BACH2: variants seen among roughly 807,000 people sequenced by gnomAD.
BACH2 encodes the protein transcription regulator protein BACH2.
In BACH2, 5 loss-of-function variants were observed where a neutral mutation model predicts 61.8. The observed-to-expected ratio is 0.08, with a 90% CI of 0.04 to 0.17. BACH2 has a LOEUF of 0.17. BACH2 is among the 10% of genes least tolerant of loss of function. The pLI is 1.00. For synonymous variants in BACH2, 446 were observed against 440.1 expected (o/e 1.01, Z -0.17); for missense variants, 824 against 1,091.1 (o/e 0.76, Z 3.45).
chr6:90,180,252 AATTT>A (rs1032419374), intron 4 of BACH2, among the ~76,000 whole-genome samples: 218 of 152,298 alleles, frequency 1.4e-3, no homozygotes, highest in African/African-American at 5.0e-3. Flanking sequence ...CTAAGAGTAA[AATTT>A]ATTATTCAAA....
rs759232242 is a variant in BACH2 at position 90,071,027 on chromosome 6, C to T, written c.-13+17934G>A. ...GGAAGTCAGAGTCTTGCTCTGTCAC[C>T]CATGCTGCAGTGCAATGACATGATC... On this transcript the variant is annotated intron_variant, in intron 5 of 8. Coordinates refer to ENST00000257749, the MANE Select transcript of BACH2 (RefSeq NM_021813.4). 1.5e-3 allele frequency among the ~76,000 whole-genome samples: 224 copies of T among 152,084 alleles called. 3 individuals carry two copies. The highest frequency in any genetic ancestry group is 8.4e-4 in the Non-Finnish European group (57 of 68,012).
intron 3 of BACH2, among the ~76,000 whole-genome samples, chr6:90,235,543 AG>A (rs1000763727): frequency 6.6e-6 from 1 of 152,244 alleles, no homozygotes; most frequent in African/African-American, 2.4e-5. Flanking sequence ...TAAAAAAGCC[AG>A]GGATTGTGGC....
chr6:90,137,715 G>A (rs2127825555), intron 4 of BACH2, among the ~76,000 whole-genome samples: 1 of 152,304 alleles, frequency 6.6e-6, no homozygotes, highest in African/African-American at 2.4e-5. Context: ...AGTTTAAAGT[G>A]AATTATCTTT....
intron 3 of BACH2, among the ~76,000 whole-genome samples, chr6:90,247,726 T>C (rs905232706): frequency 2.0e-5 from 3 of 152,168 alleles, no homozygotes; most frequent in South Asian, 2.1e-4. Flanking sequence ...AAAGGGTTAA[T>C]AGCTATCCCT....
At chr6:90,184,585 G>T (rs1768284859) in intron 4 of BACH2, among the ~76,000 whole-genome samples, 1 of 152,214 alleles carries the variant, frequency 6.6e-6, no homozygotes, top group Non-Finnish European at 1.5e-5. Context: ...CCCGGGGGAA[G>T]TGGAGGACCA....
At chr6:90,220,299 T>G (rs1238604394) in intron 3 of BACH2, among the ~76,000 whole-genome samples, 2 of 152,214 alleles carry the variant, frequency 1.3e-5, no homozygotes, top group African/African-American at 4.8e-5. Flanking sequence ...AAGGTCTGCA[T>G]TAGCAGCCCA....
At chr6:90,296,376 T>C (rs1772389677) in intron 1 of BACH2, 104 bp downstream of exon 1, 1 of 149,404 alleles carries the variant, frequency 6.7e-6, no homozygotes, top group East Asian at 2.0e-4. Context: ...TCCCGCGCCG[T>C]TTCCCCACGC....
chr6:90,190,887 T>C (rs199911799), intron 4 of BACH2, among the ~76,000 whole-genome samples: 1 of 152,214 alleles, frequency 6.6e-6, no homozygotes, highest in East Asian at 1.9e-4. Context: ...AAACAGGGGA[T>C]GTGGCTTGGC....
intron 6 of BACH2, among the ~76,000 whole-genome samples, chr6:89,996,824 T>C (rs899857273): frequency 5.3e-5 from 8 of 152,224 alleles, no homozygotes; most frequent in African/African-American, 1.9e-4. Context: ...TCTATGTTTT[T>C]CTTTTGATTC....
chr6:90,113,468 G>T (rs191008713), intron 4 of BACH2, among the ~76,000 whole-genome samples: 9 of 152,196 alleles, frequency 5.9e-5, no homozygotes, highest in Non-Finnish European at 7.4e-5. Context: ...ACATGGAAAT[G>T]AAACAACATG....
intron 6 of BACH2, among the ~76,000 whole-genome samples, chr6:89,954,421 G>C (rs765734480): frequency 6.7e-6 from 1 of 149,524 alleles, no homozygotes. Context: ...TTAGCATTAG[G>C]TATATCTCCT....
intron 3 of BACH2, among the ~76,000 whole-genome samples, chr6:90,216,699 C>A (rs146177038): frequency 6.6e-6 from 1 of 152,212 alleles, no homozygotes; most frequent in South Asian, 2.1e-4. Flanking sequence ...CAGCTCATGA[C>A]GTAAAGCGTG....
intron 3 of BACH2, among the ~76,000 whole-genome samples, chr6:90,232,714 G>A (rs976344963): frequency 1.3e-5 from 2 of 150,890 alleles, no homozygotes; most frequent in Non-Finnish European, 3.0e-5. Flanking sequence ...TTTTCTGCTA[G>A]AATTTTAAGA....
intron 3 of BACH2, among the ~76,000 whole-genome samples, chr6:90,210,345 ACACACG>A (rs1769303015): frequency 1.4e-5 from 2 of 146,930 alleles, no homozygotes; most frequent in South Asian, 2.3e-4. Context: ...ACACACACAC[ACACACG>A]CACATGCACA....
chr6:90,035,414 T>C (rs974459001), intron 5 of BACH2, among the ~76,000 whole-genome samples: 15 of 152,154 alleles, frequency 9.9e-5, no homozygotes, highest in South Asian at 6.2e-4. Flanking sequence ...TCCACAGATA[T>C]AAAAATCACT....
In BACH2 at chr6:89,950,629, T is replaced by C. The variant is rs1219568715; in HGVS notation, c.1477A>G (p.Arg493Gly). 3 of 1,614,070 alleles carry C rather than the reference T, an allele frequency of 1.9e-6. No individual in the cohort carries two copies. Among genetic ancestry groups the C allele is most frequent in the Non-Finnish European group, 2.5e-6 (3 of 1,179,978 alleles). ...GGGCAGCTGGTGTTGGGCCGCATCC[T>C]TCCTGGCAAGTGGTCGGCCATCAGC... ...GGLMADHLPG[R>G]MRPNTSCPVP... The change falls in exon 7 of 9, where the codon AGG becomes GGG. Residue 493 changes from arginine (R) to glycine (G), a missense_variant. This residue lies in a region of BACH2 where 102 missense variants were observed against 98.1 expected (regional missense o/e 1.04). Transcript: ENST00000257749. This position sits in a 1 kb window ranked among gnomAD's most constrained non-coding sequence, Gnocchi z 5.3.
chr6:90,140,170 C>T (rs1784416640), intron 4 of BACH2, among the ~76,000 whole-genome samples: 1 of 152,188 alleles, frequency 6.6e-6, no homozygotes, highest in Non-Finnish European at 1.5e-5. Flanking sequence ...TTTAAGACTT[C>T]CTAGAACTCT....
intron 7 of BACH2, among the ~76,000 whole-genome samples, chr6:89,943,812 TTGAAACC>T (rs1378400162): frequency 2.0e-5 from 3 of 152,230 alleles, no homozygotes; most frequent in Non-Finnish European, 4.4e-5. Flanking sequence ...CAGATGTTGA[TTGAAACC>T]CATGGGAGTA....
intron 6 of BACH2, among the ~76,000 whole-genome samples, chr6:89,972,071 C>G (rs1221693032): frequency 6.6e-6 from 1 of 152,114 alleles, no homozygotes; most frequent in African/African-American, 2.4e-5. Flanking sequence ...GTGCAAAGAC[C>G]TAAGAGAGAA....
Sources: gnomAD v4.1 joint callset for allele counts (sites outside exome capture counted in the v4.1 genomes callset) on GRCh38, gnomAD v4.1.1 for gene constraint, gnomAD v4.1.1 regional missense constraint, Gnocchi (gnomAD v3.1) non-coding constraint, MANE v1.5 for transcripts, NCBI Gene and HGNC (gene_info 2026-07-23, HGNC 2026-07-21) for gene names.